The following GNG2 variants were observed in gnomAD, a reference collection of about 807,000 sequenced individuals.
GNG2 encodes guanine nucleotide-binding protein G(I)/G(S)/G(O) subunit gamma-2.
In GNG2, 5 loss-of-function variants were observed where a neutral mutation model predicts 5.5. That is an observed-to-expected ratio of 0.91 (90% CI 0.48 to 1.92). The LOEUF is 1.92. Among genes scored for constraint, GNG2 ranks in the 30% most tolerant of loss-of-function variants. The pLI, the probability that GNG2 is intolerant of heterozygous loss-of-function variation, is 0.01. For missense variants in GNG2, 55 were observed against 88.4 expected (o/e 0.62, Z 1.52); for synonymous variants, 28 against 32.0 (o/e 0.88, Z 0.42).
At chr14:51,924,663 T>C (rs963087813) in intron 2 of GNG2, among the ~76,000 whole-genome samples, 2 of 152,232 alleles carry the variant, frequency 1.3e-5, no homozygotes, top group Non-Finnish European at 2.9e-5. Context: ...GAGATTCATC[T>C]TAACTTGTTA....
At chr14:51,943,440 A>G (rs994308281) in intron 2 of GNG2, among the ~76,000 whole-genome samples, 6 of 152,232 alleles carry the variant, frequency 3.9e-5, no homozygotes, top group Admixed American at 3.3e-4. Context: ...AGCAAAGAAT[A>G]TATGATGTGT....
chr14:51,827,474 TAGG>T (rs368592056), intron 1 of GNG2, among the ~76,000 whole-genome samples: 66 of 152,234 alleles, frequency 4.3e-4, no homozygotes, highest in African/African-American at 1.5e-3. Context: ...ATCACTGAAT[TAGG>T]AGGAAAAGAA....
At chr14:51,927,516 A>C (rs980779434) in intron 2 of GNG2, among the ~76,000 whole-genome samples, 2 of 152,192 alleles carry the variant, frequency 1.3e-5, no homozygotes, top group African/African-American at 4.8e-5. Flanking sequence ...AGGTGTTTCC[A>C]CCATACCCTG....
Position 51,967,632 on chromosome 14 carries a change from A to G in GNG2, c.*945A>G, listed in dbSNP as rs763783832. 9.2e-5 allele frequency: 14 copies of G among 152,148 alleles called. No individual in the cohort carries two copies. The highest frequency in any genetic ancestry group is 1.2e-4 in the African/African-American group (5 of 41,428). The allele number at this position is 152,148 out of a possible 1,614,324, so 9.4% of individuals were successfully genotyped here. A position where few individuals can be genotyped will look rare whatever the true frequency, so the allele number is the denominator to read the frequency against. ...AAAATACCTCCTAGTTAATAGTGGT[A>G]TAAATGCCTCTTCAATACGTTTTCC... On this transcript the variant is annotated 3_prime_UTR_variant, in exon 4 of 4. Transcript: ENST00000556766.
chr14:51,935,021 CT>C (rs1370410276), intron 2 of GNG2, among the ~76,000 whole-genome samples: 1 of 111,302 alleles, frequency 9.0e-6, no homozygotes, highest in Non-Finnish European at 1.8e-5. Flanking sequence ...AGCCCAGTTT[CT>C]TTCTTTTTTT....
upstream of GNG2, among the ~76,000 whole-genome samples, chr14:51,859,786 A>G (rs1882338671): frequency 6.6e-6 from 1 of 152,186 alleles, no homozygotes; most frequent in Non-Finnish European, 1.5e-5. Context: ...CTGGAGGATC[A>G]TGAGGGTCCT....
chr14:51,843,130 C>CTTTTTTTT, intron 2 of GNG2, among the ~76,000 whole-genome samples: 1 of 152,250 alleles, frequency 6.6e-6, no homozygotes, highest in African/African-American at 2.4e-5. Flanking sequence ...TGTTTTTAAT[C>CTTTTTTTT]AATGCTCTCC....
intron 2 of GNG2, among the ~76,000 whole-genome samples, chr14:51,893,164 T>G (rs1884974039): frequency 6.6e-6 from 1 of 152,324 alleles, no homozygotes; most frequent in African/African-American, 2.4e-5. Flanking sequence ...CACTTAGGTC[T>G]CTTACATTTT....
At position 51,911,964 on chromosome 14, in the gene GNG2, A is replaced by G. The variant is rs1057174035; in HGVS notation, c.-30+34307A>G. Among the ~76,000 whole-genome samples the G allele has an allele frequency of 9.4e-5, 14 of 148,412 alleles. 3 individuals carry two copies. Among genetic ancestry groups the G allele is most frequent in the African/African-American group, 3.5e-4 (14 of 39,556 alleles). ...TTAGTAAATGAAAAAAAGTATAGCT[A>G]ATAGTGTCAGGCACTGTTCTAGGTA... On this transcript the variant is annotated intron_variant, in intron 2 of 3. Coordinates refer to ENST00000556766, the MANE Select transcript of GNG2 (RefSeq NM_053064.5).
chr14:51,869,499 C>A (rs575635372), intron 1 of GNG2, among the ~76,000 whole-genome samples: 1 of 152,274 alleles, frequency 6.6e-6, no homozygotes, highest in East Asian at 1.9e-4. Flanking sequence ...CAAGGTGCAG[C>A]AGATTTCTTA....
At chr14:51,888,282 T>G (rs1296900642) in intron 2 of GNG2, among the ~76,000 whole-genome samples, 1 of 152,070 alleles carries the variant, frequency 6.6e-6, no homozygotes, top group African/African-American at 2.4e-5. Flanking sequence ...TTACCTATAG[T>G]AGCAATTACT....
intron 1 of GNG2, among the ~76,000 whole-genome samples, chr14:51,870,883 G>A (rs947491527): frequency 9.2e-5 from 14 of 152,142 alleles, no homozygotes; most frequent in African/African-American, 3.1e-4. Flanking sequence ...TTGTCTCTAA[G>A]GTGTATTTCT....
intron 3 of GNG2, among the ~76,000 whole-genome samples, chr14:51,963,779 A>C (rs1326836056): frequency 6.6e-6 from 1 of 152,354 alleles, no homozygotes; most frequent in Admixed American, 6.5e-5. Flanking sequence ...TTTCATCTAT[A>C]AAAAGAGGAT....
chr14:51,874,451 C>G (rs567232838), intron 1 of GNG2, among the ~76,000 whole-genome samples: 53 of 143,784 alleles, frequency 3.7e-4, no homozygotes, highest in African/African-American at 1.3e-3. Context: ...AACAGTCTGG[C>G]TGGGTGTATT....
At chr14:51,903,654 T>C (rs1438795488) in intron 2 of GNG2, among the ~76,000 whole-genome samples, 1 of 152,236 alleles carries the variant, frequency 6.6e-6, no homozygotes, top group African/African-American at 2.4e-5. Flanking sequence ...TTTTCAATTC[T>C]CTTTTTTTCC....
Position 51,898,307 on chromosome 14 carries a change from A to C in GNG2, c.-30+20650A>C, listed in dbSNP as rs527870796. ...TTCTTTTGAATGACTTGCAAGAACA[A>C]TTTTAAGGGTAGAAGTAGCCCCTGC... On this transcript the variant is annotated intron_variant, in intron 2 of 3. Transcript: ENST00000556766. Among the ~76,000 whole-genome samples, 3 of 152,258 alleles carry C rather than the reference A, an allele frequency of 2.0e-5. No individual in the cohort carries two copies. In the East Asian group the frequency reaches 5.8e-4, roughly 29 times the overall value.
At chr14:51,928,806 G>A (rs34146466) in intron 2 of GNG2, among the ~76,000 whole-genome samples, 305 of 152,266 alleles carry the variant, frequency 2.0e-3, no homozygotes, top group Middle Eastern at 3.4e-3. Flanking sequence ...TTCCTTGGAG[G>A]AGCAAATCCT....
intron 1 of GNG2, among the ~76,000 whole-genome samples, chr14:51,864,435 A>C (rs1882733850): frequency 6.6e-6 from 1 of 152,226 alleles, no homozygotes; most frequent in Non-Finnish European, 1.5e-5. Context: ...GGATCTTTTA[A>C]CATAATGTGT....
chr14:51,961,321 G>T (rs887919821), intron 3 of GNG2, among the ~76,000 whole-genome samples: 1 of 152,064 alleles, frequency 6.6e-6, no homozygotes, highest in African/African-American at 2.4e-5. Context: ...ATTATTGCAA[G>T]TATCCAGACT....
Sources: allele counts gnomAD v4.1 joint callset (sites outside exome capture counted in the v4.1 genomes callset), GRCh38; gene constraint gnomAD v4.1.1; transcripts MANE v1.5; gene names NCBI Gene and HGNC (gene_info 2026-07-23, HGNC 2026-07-21).